NALF1: variants seen among roughly 807,000 people sequenced by gnomAD.
NALF1 encodes the protein NALCN channel auxiliary factor 1.
NALF1 carries 3 observed loss-of-function variants against 48.4 expected under a neutral mutation model. The ratio of observed to expected loss-of-function variants is 0.06; its 90% CI spans 0.03 to 0.16. NALF1 has a LOEUF of 0.16. Among genes scored for constraint, NALF1 ranks in the 10% least tolerant of loss-of-function variants. NALF1 has a pLI of 1.00. For missense variants in NALF1, 526 were observed against 571.5 expected, an observed-to-expected ratio of 0.92 and a Z score of 0.81; for synonymous variants, 262 against 245.7, an observed-to-expected ratio of 1.07 and a Z score of -0.62.
chr13:107,771,699 C>A (rs1210553627), intron 1 of NALF1, among the ~76,000 whole-genome samples: 3 of 152,078 alleles, frequency 2.0e-5, no homozygotes, highest in Admixed American at 2.0e-4. Flanking sequence ...TAGACTCAGA[C>A]TTGAGAGTGT....
intron 1 of NALF1, among the ~76,000 whole-genome samples, chr13:107,600,375 TCC>T (rs1299062852): frequency 1.3e-5 from 2 of 152,266 alleles, no homozygotes; most frequent in East Asian, 3.9e-4. Context: ...AAGATTTTCA[TCC>T]CACAAGGAAA....
intron 1 of NALF1, among the ~76,000 whole-genome samples, chr13:107,446,913 A>T (rs778045450): frequency 1.3e-5 from 2 of 152,236 alleles, no homozygotes; most frequent in Non-Finnish European, 2.9e-5. Context: ...AAGCCAATAG[A>T]TACATGTTTG....
At chr13:107,753,347 G>A (rs1458679942) in intron 1 of NALF1, among the ~76,000 whole-genome samples, 1 of 152,154 alleles carries the variant, frequency 6.6e-6, no homozygotes, top group African/African-American at 2.4e-5. Context: ...CAGGTTTTCT[G>A]AGATTACAAT....
chr13:107,289,613 C>T (rs554351033), intron 1 of NALF1, among the ~76,000 whole-genome samples: 7 of 152,094 alleles, frequency 4.6e-5, no homozygotes, highest in South Asian at 2.1e-4. Flanking sequence ...TAGAAAGCAA[C>T]GAATGAGAGG....
intron 1 of NALF1, among the ~76,000 whole-genome samples, chr13:107,358,532 T>C (rs1351429790): frequency 6.6e-6 from 1 of 152,146 alleles, no homozygotes; most frequent in African/African-American, 2.4e-5. Flanking sequence ...GTGAAGCAAA[T>C]AGAACTGTTT....
chr13:107,708,377 T>C (rs1875466462), intron 1 of NALF1, among the ~76,000 whole-genome samples: 1 of 152,152 alleles, frequency 6.6e-6, no homozygotes, highest in African/African-American at 2.4e-5. Context: ...TCCTAACAAA[T>C]GCAGTCACAA....
chr13:107,323,799 T>C (rs1882300448), intron 1 of NALF1, among the ~76,000 whole-genome samples: 1 of 152,210 alleles, frequency 6.6e-6, no homozygotes, highest in Admixed American at 6.5e-5. Context: ...AACTTTTTGT[T>C]TTAAATTGTA....
In NALF1 at chr13:107,164,145, C is replaced by G. The variant is rs1276104953; in HGVS notation, c.*6352G>C. Reference sequence around the variant, plus strand: ...AGGGGAAATAGTCACTGAAGAAAGTCTGTATTCATAGATCAATGCTCATTA... The same window carrying G: ...AGGGGAAATAGTCACTGAAGAAAGTGTGTATTCATAGATCAATGCTCATTA... On this transcript the variant is annotated 3_prime_UTR_variant, in exon 3 of 3. Coordinates refer to ENST00000375915, the MANE Select transcript of NALF1 (RefSeq NM_001080396.3). The G allele has an allele frequency of 6.6e-6, 1 of 152,146 alleles. No individual in the cohort carries two copies. The highest frequency in any genetic ancestry group is 1.5e-5 in the Non-Finnish European group (1 of 68,028). The allele number at this position is 152,146 out of a possible 1,614,324, so 9.4% of individuals were successfully genotyped here. A position where few individuals can be genotyped will look rare whatever the true frequency, so the allele number is the denominator to read the frequency against.
chr13:107,383,246 T>A (rs1389443162), intron 1 of NALF1, among the ~76,000 whole-genome samples: 1 of 152,246 alleles, frequency 6.6e-6, no homozygotes, highest in Non-Finnish European at 1.5e-5. Flanking sequence ...AATACACAAC[T>A]TTAGGAATAA....
intron 1 of NALF1, among the ~76,000 whole-genome samples, chr13:107,721,243 A>C (rs757580458): frequency 6.6e-6 from 1 of 152,112 alleles, no homozygotes; most frequent in Non-Finnish European, 1.5e-5. Context: ...GTATGAAATG[A>C]AGTTAATACA....
chr13:107,604,807 T>A (rs1267833639), intron 1 of NALF1, among the ~76,000 whole-genome samples: 1 of 152,150 alleles, frequency 6.6e-6, no homozygotes, highest in Non-Finnish European at 1.5e-5. Flanking sequence ...CTCAAGACCA[T>A]AGCTGAATTC....
chr13:107,832,677 G>T lies in NALF1; in HGVS notation c.915+33005C>A, dbSNP rs889840073. On this transcript the variant is annotated intron_variant, in intron 1 of 2. Transcript: ENST00000375915. ...CTTTCATTAACATCCATAGAGTCCT[G>T]TCCATTGTGGCAGCCAGAAGCCTTT... Among the ~76,000 whole-genome samples the T allele has an allele frequency of 2.0e-5, 3 of 152,088 alleles. No individual in the cohort carries two copies. In the East Asian group the frequency reaches 5.8e-4, roughly 29 times the overall value.
At chr13:107,293,311 G>T (rs373996411) in intron 1 of NALF1, among the ~76,000 whole-genome samples, 1 of 152,124 alleles carries the variant, frequency 6.6e-6, no homozygotes, top group East Asian at 1.9e-4. Flanking sequence ...AGCCACCATC[G>T]TACATGTGGT....
intron 1 of NALF1, among the ~76,000 whole-genome samples, chr13:107,733,266 G>C (rs1876366710): frequency 1.3e-5 from 2 of 152,178 alleles, no homozygotes; most frequent in Non-Finnish European, 2.9e-5. Flanking sequence ...GGCTCCAGCA[G>C]TGACAGCAGC....
intron 1 of NALF1, among the ~76,000 whole-genome samples, chr13:107,796,834 C>A (rs1334893919): frequency 6.6e-6 from 1 of 152,180 alleles, no homozygotes; most frequent in African/African-American, 2.4e-5. Flanking sequence ...CCTCTAATTA[C>A]AGAATGAAGA....
intron 1 of NALF1, among the ~76,000 whole-genome samples, chr13:107,405,727 A>T (rs904104603): frequency 6.6e-6 from 1 of 152,068 alleles, no homozygotes; most frequent in Non-Finnish European, 1.5e-5. Context: ...AAACACCTCA[A>T]CTATGCCATT....
chr13:107,510,426 T>G (rs921934094), intron 1 of NALF1, among the ~76,000 whole-genome samples: 1 of 152,132 alleles, frequency 6.6e-6, no homozygotes, highest in African/African-American at 2.4e-5. Flanking sequence ...TCAAGGAAAA[T>G]CAGGGCCAGA....
intron 1 of NALF1, among the ~76,000 whole-genome samples, chr13:107,297,907 A>G (rs917172723): frequency 6.6e-6 from 1 of 152,198 alleles, no homozygotes; most frequent in Non-Finnish European, 1.5e-5. Context: ...AGATTCACAC[A>G]GGTCAAATAC....
At chr13:107,578,247 T>A (rs1177940820) in intron 1 of NALF1, among the ~76,000 whole-genome samples, 1 of 150,488 alleles carries the variant, frequency 6.6e-6, no homozygotes, top group Non-Finnish European at 1.5e-5. Context: ...ACTTTTATTT[T>A]TTTCTGGTTG....
Sources: gnomAD v4.1 joint callset for allele counts (sites outside exome capture counted in the v4.1 genomes callset) on GRCh38, gnomAD v4.1.1 for gene constraint, MANE v1.5 for transcripts, NCBI Gene and HGNC (gene_info 2026-07-23, HGNC 2026-07-21) for gene names.